The following ATAD2B variants were observed in gnomAD, a reference collection of about 807,000 sequenced individuals.
ATAD2B encodes the protein ATPase family AAA domain-containing protein 2B.
A neutral mutation model predicts 167.6 loss-of-function variants in ATAD2B; 40 were observed. That is an observed-to-expected ratio of 0.24 (90% CI 0.19 to 0.31). ATAD2B has a LOEUF of 0.31. ATAD2B is among the 10% of genes least tolerant of loss of function. The probability of loss-of-function intolerance (pLI) is 1.00; values close to 1 mark genes in which losing one functional copy is unlikely to be tolerated. For missense variants in ATAD2B, 1,242 were observed against 1,757.2 expected, an observed-to-expected ratio of 0.71 and a Z score of 5.24; for synonymous variants, 579 against 596.5, an observed-to-expected ratio of 0.97 and a Z score of 0.43.
chr2:23,843,921 C>T (rs989445757), intron 13 of ATAD2B, among the ~76,000 whole-genome samples: 3 of 152,034 alleles, frequency 2.0e-5, no homozygotes, highest in Admixed American at 1.3e-4. Context: ...ACTCAAGATC[C>T]GTATCACAAA....
chr2:23,834,024 T>C lies in ATAD2B; in HGVS notation c.1623A>G (p.Glu541=). The C allele has an allele frequency of 6.2e-7, 1 of 1,612,564 alleles. No individual in the cohort carries two copies. The highest frequency in any genetic ancestry group is 8.5e-7 in the Non-Finnish European group (1 of 1,178,948). Residue 541 remains glutamate (E), a synonymous_variant, in exon 14 of 28, where the codon GAA becomes GAG. Coordinates refer to ENST00000238789, the MANE Select transcript of ATAD2B (RefSeq NM_017552.4). The part of the protein sequence containing the change: ...ALMDGLDNRG[E]IVVIGATNRL... Reference sequence around the variant, plus strand: ...TGTTTGTAGCACCAATAACAACAATTTCACCCCTATTATCTAATCCATCCA... The same window carrying C: ...TGTTTGTAGCACCAATAACAACAATCTCACCCCTATTATCTAATCCATCCA...
chr2:23,856,414 C>A, intron 13 of ATAD2B: 1 of 383,042 alleles, frequency 2.6e-6, no homozygotes, highest in Non-Finnish European at 5.3e-6. Context: ...GATGCTCAAC[C>A]TGTAGCAGGT....
chr2:23,809,918 T>C (rs998806408), intron 18 of ATAD2B, among the ~76,000 whole-genome samples: 1 of 152,234 alleles, frequency 6.6e-6, no homozygotes, highest in Non-Finnish European at 1.5e-5. Flanking sequence ...TATTCTAATA[T>C]GAATATTAAA....
chr2:23,843,032 T>C (rs1418666827), intron 13 of ATAD2B, among the ~76,000 whole-genome samples: 1 of 152,206 alleles, frequency 6.6e-6, no homozygotes, highest in African/African-American at 2.4e-5. Flanking sequence ...CAAGTGGGTC[T>C]AACATGAGAT....
chr2:23,802,206 CAATATTTATAAAAATT>C (rs1683608687), intron 18 of ATAD2B, among the ~76,000 whole-genome samples: 3 of 150,936 alleles, frequency 2.0e-5, no homozygotes, highest in Non-Finnish European at 3.0e-5. Context: ...AAAACATCCT[CAATATTTATAAAAATT>C]AAAAGGCACT....
chr2:23,790,856 TC>T (rs1450989289), intron 19 of ATAD2B, among the ~76,000 whole-genome samples: 2 of 152,294 alleles, frequency 1.3e-5, no homozygotes, highest in East Asian at 3.9e-4. Flanking sequence ...AAAAAACAGT[TC>T]AATAATGTTC....
At chr2:23,892,348 T>C (rs757727276) in intron 2 of ATAD2B, among the ~76,000 whole-genome samples, 9 of 152,214 alleles carry the variant, frequency 5.9e-5, no homozygotes, top group Middle Eastern at 6.8e-3. Context: ...TATTTTTTAG[T>C]AGAGACGGGG....
chr2:23,729,326 A>T, the ATAD2B span, among the ~76,000 whole-genome samples: 1 of 152,208 alleles, frequency 6.6e-6, no homozygotes, highest in East Asian at 1.9e-4. Context: ...ATCACAGTGA[A>T]CTTTGAAATG....
In ATAD2B at chr2:23,798,412, G is replaced by A; in HGVS notation, c.2455-89C>T. 4 of 1,002,046 alleles carry A rather than the reference G, an allele frequency of 4.0e-6. No homozygotes were observed. The South Asian group carries it at 6.6e-5, about 17-fold the overall frequency. The allele number at this position is 1,002,046 out of a possible 1,614,324, so 62.1% of individuals were successfully genotyped here. A position where few individuals can be genotyped will look rare whatever the true frequency, so the allele number is the denominator to read the frequency against. ...ATCTCCAAATACATGAAATATGTCAGGCCTATTATGGTCATTAGTTTCAGC... is the reference window on the plus strand; with the variant it reads ...ATCTCCAAATACATGAAATATGTCAAGCCTATTATGGTCATTAGTTTCAGC... On this transcript the variant is annotated intron_variant, in intron 18 of 27. Coordinates refer to ENST00000238789, the MANE Select transcript of ATAD2B (RefSeq NM_017552.4).
chr2:23,766,117 CAG>C (rs1226730567), intron 22 of ATAD2B, among the ~76,000 whole-genome samples: 1 of 151,752 alleles, frequency 6.6e-6, no homozygotes, highest in Non-Finnish European at 1.5e-5. Flanking sequence ...GTGACAAAAA[CAG>C]AGAAATACAG....
At chr2:23,738,392 A>G in the ATAD2B span, among the ~76,000 whole-genome samples, 1 of 152,228 alleles carries the variant, frequency 6.6e-6, no homozygotes, top group Non-Finnish European at 1.5e-5. Flanking sequence ...GGGGACCAAT[A>G]TTCAACATTC....
intron 21 of ATAD2B, among the ~76,000 whole-genome samples, chr2:23,784,390 T>G (rs973233607): frequency 6.6e-5 from 10 of 152,046 alleles, no homozygotes. Flanking sequence ...TCCCAGAGAC[T>G]CCTATGTTCT....
At chr2:23,740,491 A>G in the ATAD2B span, among the ~76,000 whole-genome samples, 185 of 152,188 alleles carry the variant, frequency 1.2e-3, no homozygotes, top group Non-Finnish European at 2.2e-3. Flanking sequence ...GCCTTTGACA[A>G]AATTCAACAA....
chr2:23,926,528 T>A, intron 1 of ATAD2B, 27 bp downstream of exon 1: 2 of 1,535,486 alleles, frequency 1.3e-6, no homozygotes, highest in Non-Finnish European at 1.7e-6. Flanking sequence ...CTTCCGAGCC[T>A]CCGGACTCGG....
chr2:23,881,898 T>C (rs1222308122), intron 6 of ATAD2B, among the ~76,000 whole-genome samples: 1 of 151,930 alleles, frequency 6.6e-6, no homozygotes, highest in African/African-American at 2.4e-5. Context: ...TAATTTTGTA[T>C]TTTCAGTAGA....
chr2:23,771,390 GTACT>G (rs1327996070), intron 22 of ATAD2B, among the ~76,000 whole-genome samples: 1 of 152,192 alleles, frequency 6.6e-6, no homozygotes, highest in African/African-American at 2.4e-5. Flanking sequence ...TAAGGAGAAA[GTACT>G]TACTCTTTCA....
the ATAD2B span, chr2:23,689,319 C>G: frequency 6.6e-6 from 1 of 152,400 alleles, no homozygotes; most frequent in African/African-American, 2.4e-5. Flanking sequence ...CGATGCTCCA[C>G]GGCACCTGTG....
intron 13 of ATAD2B, among the ~76,000 whole-genome samples, chr2:23,836,146 G>T (rs1229312354): frequency 1.3e-5 from 2 of 152,158 alleles, no homozygotes; most frequent in African/African-American, 4.8e-5. Flanking sequence ...CCAGGCATGG[G>T]GCAGCAAGGG....
At chr2:23,857,739 A>ATTTTTTTT (rs34857462) in intron 12 of ATAD2B, among the ~76,000 whole-genome samples, 2 of 120,658 alleles carry the variant, frequency 1.7e-5, no homozygotes, top group Non-Finnish European at 3.3e-5. Flanking sequence ...ACCAAAGTGT[A>ATTTTTTTT]TTTTTTTTTT....
Sources: allele counts gnomAD v4.1 joint callset (sites outside exome capture counted in the v4.1 genomes callset), GRCh38; gene constraint gnomAD v4.1.1; transcripts MANE v1.5; gene names NCBI Gene and HGNC (gene_info 2026-07-23, HGNC 2026-07-21).